RBFOX1: variants seen among roughly 807,000 people sequenced by gnomAD.
RBFOX1 encodes the protein RNA binding fox-1 homolog 1, also known as RNA binding protein fox-1 homolog 1.
Under a neutral mutation model 57.7 loss-of-function variants are expected in RBFOX1, and 8 were observed. The observed-to-expected ratio is 0.14, with a 90% CI of 0.08 to 0.25. The LOEUF (loss-of-function observed/expected upper bound fraction) is 0.25. Among genes scored for constraint, RBFOX1 ranks in the 10% least tolerant of loss-of-function variants. The pLI is 1.00. For synonymous variants in RBFOX1, 326 were observed against 222.4 expected (o/e 1.47, Z -4.15); for missense variants, 611 against 548.5 (o/e 1.11, Z -1.14).
intron 4 of RBFOX1, among the ~76,000 whole-genome samples, chr16:7,275,476 T>C (rs1323657951): frequency 1.3e-5 from 2 of 152,232 alleles, no homozygotes; most frequent in African/African-American, 4.8e-5. Context: ...TTTTCTTATA[T>C]ATAAATTTTT....
chr16:6,965,205 A>G (rs1346084881), intron 3 of RBFOX1, among the ~76,000 whole-genome samples: 1 of 152,142 alleles, frequency 6.6e-6, no homozygotes, highest in Non-Finnish European at 1.5e-5. Flanking sequence ...GGTGGTGTAA[A>G]TCACTAATGA....
chr16:5,892,674 G>A (rs1215968479), intron 4 of RBFOX1, among the ~76,000 whole-genome samples: 1 of 152,220 alleles, frequency 6.6e-6, no homozygotes, highest in African/African-American at 2.4e-5. Flanking sequence ...CCCTGCTAAA[G>A]ACGGCTTCCC....
chr16:6,622,887 A>T (rs912039706), intron 2 of RBFOX1, among the ~76,000 whole-genome samples: 2 of 152,238 alleles, frequency 1.3e-5, no homozygotes, highest in African/African-American at 4.8e-5. Flanking sequence ...TGTTCTGCCA[A>T]GTTGGGCAAC....
At chr16:7,649,510 A>G (rs1481966993) in intron 11 of RBFOX1, among the ~76,000 whole-genome samples, 2 of 151,896 alleles carry the variant, frequency 1.3e-5, no homozygotes, top group African/African-American at 2.4e-5. Flanking sequence ...TTCACTTACG[A>G]TGGAGTCGCT....
At chr16:6,974,336 CTTTTTTTTTTTTT>C (rs59299498) in intron 3 of RBFOX1, among the ~76,000 whole-genome samples, 1 of 58,682 alleles carries the variant, frequency 1.7e-5, no homozygotes, top group Admixed American at 2.8e-4. Context: ...TTTTCTTTTT[CTTTTTTTTTTTTT>C]TTTTTTTTTT....
chr16:5,699,370 CT>C (rs35259674), intron 3 of RBFOX1, among the ~76,000 whole-genome samples: 37,613 of 138,414 alleles, frequency 0.27, 5,216 homozygotes, highest in East Asian at 0.65. Flanking sequence ...CTTAATTTTC[CT>C]TTTTTTTTTT....
At chr16:6,799,624 C>T (rs942615470) in intron 3 of RBFOX1, among the ~76,000 whole-genome samples, 1 of 152,096 alleles carries the variant, frequency 6.6e-6, no homozygotes, top group Non-Finnish European at 1.5e-5. Flanking sequence ...TGTGTTGGCA[C>T]CATCCAATCA....
rs73528481 is a variant in RBFOX1, at chr16:6,517,958, G to A, written c.-63-136645G>A. On this transcript the variant is annotated intron_variant, in intron 2 of 15. Coordinates refer to ENST00000550418, the MANE Select transcript of RBFOX1 (RefSeq NM_018723.4). ...GATGGTGATGGTAATTGTGATGATGGCTATTTTGCATTTTGGAGACATGAG... is the reference window on the plus strand; with the variant it reads ...GATGGTGATGGTAATTGTGATGATGACTATTTTGCATTTTGGAGACATGAG... Among the ~76,000 whole-genome samples the A allele has an allele frequency of 7.9e-3, 1,202 of 152,170 alleles. 28 individuals are homozygous for A. Among genetic ancestry groups the A allele is most frequent in the African/African-American group, 0.028 (1,153 of 41,508 alleles).
chr16:6,792,635 C>T (rs1048366701), intron 3 of RBFOX1, among the ~76,000 whole-genome samples: 10 of 152,024 alleles, frequency 6.6e-5, no homozygotes, highest in African/African-American at 2.4e-4. Flanking sequence ...ACATTGCTGT[C>T]TATGGTAACT....
intron 2 of RBFOX1, among the ~76,000 whole-genome samples, chr16:5,528,598 C>A (rs900491645): frequency 8.1e-6 from 1 of 123,478 alleles, no homozygotes; most frequent in Non-Finnish European, 1.6e-5. Context: ...CCAATTCATT[C>A]TCTCTCTCTC....
chr16:7,357,608 TCCTGGACTCTGAA>T (rs1355138218), intron 4 of RBFOX1, among the ~76,000 whole-genome samples: 1 of 152,188 alleles, frequency 6.6e-6, no homozygotes, highest in Non-Finnish European at 1.5e-5. Flanking sequence ...TCACCCATCT[TCCTGGACTCTGAA>T]CTGAGCCTTG....
chr16:6,713,799 C>G (rs906684863), intron 3 of RBFOX1, among the ~76,000 whole-genome samples: 9 of 152,248 alleles, frequency 5.9e-5, no homozygotes, highest in East Asian at 1.9e-4. Flanking sequence ...ACACCACCTT[C>G]TGGAAAAGCT....
intron 4 of RBFOX1, among the ~76,000 whole-genome samples, chr16:7,283,000 T>C (rs2095577383): frequency 6.6e-6 from 1 of 152,176 alleles, no homozygotes; most frequent in East Asian, 1.9e-4. Context: ...AATGCACTCA[T>C]TGGTTTATGG....
At chr16:7,046,915 T>C (rs958176150) in intron 3 of RBFOX1, among the ~76,000 whole-genome samples, 9 of 152,132 alleles carry the variant, frequency 5.9e-5, no homozygotes, top group African/African-American at 2.2e-4. Flanking sequence ...CTATATTTTG[T>C]TTAACTTCCG....
At chr16:6,990,005 C>CA (rs1036829526) in intron 3 of RBFOX1, among the ~76,000 whole-genome samples, 2 of 151,994 alleles carry the variant, frequency 1.3e-5, no homozygotes, top group African/African-American at 4.8e-5. Context: ...CTGTTTCACA[C>CA]AAAAAACTGA....
chr16:6,517,902 G>A (rs2096412528), intron 2 of RBFOX1, among the ~76,000 whole-genome samples: 2 of 152,168 alleles, frequency 1.3e-5, no homozygotes, highest in African/African-American at 4.8e-5. Flanking sequence ...AATACTTGTG[G>A]TGATGATAAT....
At chr16:7,185,769 G>T (rs922747299) in intron 4 of RBFOX1, among the ~76,000 whole-genome samples, 1 of 152,168 alleles carries the variant, frequency 6.6e-6, no homozygotes, top group African/African-American at 2.4e-5. Context: ...TTCTGAAACT[G>T]TAAAGTCTTT....
intron 4 of RBFOX1, among the ~76,000 whole-genome samples, chr16:5,881,697 A>C (rs188748897): frequency 6.6e-6 from 1 of 152,106 alleles, no homozygotes; most frequent in Admixed American, 6.6e-5. Context: ...AAGTTTTTTT[A>C]AAAAAAGATC....
At chr16:5,572,369 C>T (rs2046310860) in intron 2 of RBFOX1, among the ~76,000 whole-genome samples, 1 of 152,186 alleles carries the variant, frequency 6.6e-6, no homozygotes, top group Non-Finnish European at 1.5e-5. Context: ...AGACAAAAAT[C>T]CCTGAGGCCA....
Sources: allele counts gnomAD v4.1 joint callset (sites outside exome capture counted in the v4.1 genomes callset), GRCh38; gene constraint gnomAD v4.1.1; transcripts MANE v1.5; gene names NCBI Gene and HGNC (gene_info 2026-07-23, HGNC 2026-07-21).